The following SCHIP1 variants were observed in gnomAD, a reference collection of about 807,000 sequenced individuals.
The protein encoded by SCHIP1 is schwannomin interacting protein 1.
A neutral mutation model predicts 29.7 loss-of-function variants in SCHIP1; 8 were observed. The observed-to-expected ratio is 0.27, with a 90% CI of 0.16 to 0.49. SCHIP1 has a LOEUF of 0.49. Ranked by LOEUF, SCHIP1 falls within the 20% of genes least tolerant of loss-of-function variation. The pLI, the probability that SCHIP1 is intolerant of heterozygous loss-of-function variation, is 0.99. For synonymous variants in SCHIP1, 76 were observed against 94.9 expected (o/e 0.80, Z 1.16); for missense variants, 193 against 294.6 (o/e 0.66, Z 2.52).
At chr3:159,472,821 G>C in the SCHIP1 span, among the ~76,000 whole-genome samples, 1 of 152,174 alleles carries the variant, frequency 6.6e-6, no homozygotes, top group South Asian at 2.1e-4. Flanking sequence ...ATGAGTGTAT[G>C]TGGGGTGAGG....
chr3:159,281,170 A>G, the SCHIP1 span, among the ~76,000 whole-genome samples: 2 of 152,158 alleles, frequency 1.3e-5, no homozygotes, highest in Non-Finnish European at 2.9e-5. Flanking sequence ...CAACTAAACC[A>G]AAGACTGGGC....
the SCHIP1 span, among the ~76,000 whole-genome samples, chr3:159,596,953 A>T: frequency 6.6e-6 from 1 of 151,698 alleles, no homozygotes; most frequent in Non-Finnish European, 1.5e-5. Flanking sequence ...ATAATAATAA[A>T]AATAAATAAA....
chr3:159,345,218 C>A, the SCHIP1 span, among the ~76,000 whole-genome samples: 1 of 112,496 alleles, frequency 8.9e-6, no homozygotes. Flanking sequence ...CAGAGCAAGA[C>A]TCTGTCTCAA....
the SCHIP1 span, among the ~76,000 whole-genome samples, chr3:159,691,411 C>A: frequency 6.9e-6 from 1 of 144,734 alleles, no homozygotes; most frequent in Admixed American, 6.9e-5. Flanking sequence ...GGATTGCAAC[C>A]CCTGCTTTTT....
chr3:159,862,334 A>T (rs953410008), intron 1 of SCHIP1, among the ~76,000 whole-genome samples: 3 of 152,214 alleles, frequency 2.0e-5, no homozygotes, highest in African/African-American at 7.2e-5. Context: ...CTTGGATCCT[A>T]CTGCTCCTGC....
chr3:159,442,289 T>G, the SCHIP1 span, among the ~76,000 whole-genome samples: 2 of 152,126 alleles, frequency 1.3e-5, no homozygotes, highest in Non-Finnish European at 2.9e-5. Flanking sequence ...AGGAATTGCT[T>G]GGAGAACAGC....
At chr3:159,504,774 C>A in the SCHIP1 span, among the ~76,000 whole-genome samples, 2 of 152,042 alleles carry the variant, frequency 1.3e-5, no homozygotes, top group African/African-American at 4.8e-5. Flanking sequence ...ACAAGGAACC[C>A]ATTAGTGCTG....
chr3:159,763,859 G>A, the SCHIP1 span: 1 of 152,090 alleles, frequency 6.6e-6, no homozygotes, highest in Non-Finnish European at 1.5e-5. Context: ...AGGCGGGAGT[G>A]AGACCTCCGA....
At chr3:159,414,710 C>T in the SCHIP1 span, among the ~76,000 whole-genome samples, 3 of 152,188 alleles carry the variant, frequency 2.0e-5, no homozygotes, top group South Asian at 2.1e-4. Flanking sequence ...CACCAGGGAC[C>T]GGTTTTATGG....
the SCHIP1 span, among the ~76,000 whole-genome samples, chr3:159,651,939 A>G: frequency 6.6e-6 from 1 of 152,130 alleles, no homozygotes; most frequent in Non-Finnish European, 1.5e-5. Flanking sequence ...TATTAAAAAT[A>G]CCAAAAATTA....
At chr3:159,355,753 T>C in the SCHIP1 span, among the ~76,000 whole-genome samples, 1 of 152,094 alleles carries the variant, frequency 6.6e-6, no homozygotes, top group Non-Finnish European at 1.5e-5. Context: ...GTTACTATTT[T>C]GTTCCTGGCG....
the SCHIP1 span, among the ~76,000 whole-genome samples, chr3:159,290,112 A>C: frequency 6.6e-6 from 1 of 152,208 alleles, no homozygotes; most frequent in African/African-American, 2.4e-5. Context: ...AGTAATTTAG[A>C]ATAGGCTTTC....
the SCHIP1 span, among the ~76,000 whole-genome samples, chr3:159,638,561 C>T: frequency 6.6e-6 from 1 of 151,426 alleles, no homozygotes; most frequent in South Asian, 2.1e-4. Context: ...TGGTAGACAC[C>T]CAAAGCATTA....
the SCHIP1 span, among the ~76,000 whole-genome samples, chr3:159,541,978 T>C: frequency 1.1e-4 from 17 of 152,228 alleles, no homozygotes; most frequent in African/African-American, 3.8e-4. Context: ...CAGATCTCTA[T>C]GATGCTCTAG....
chr3:159,572,554 G>C, the SCHIP1 span, among the ~76,000 whole-genome samples: 3 of 152,180 alleles, frequency 2.0e-5, no homozygotes, highest in Non-Finnish European at 4.4e-5. Flanking sequence ...GTCAATTTTA[G>C]AATAAGTGTG....
At chr3:159,680,591 T>C in the SCHIP1 span, among the ~76,000 whole-genome samples, 1 of 104,870 alleles carries the variant, frequency 9.5e-6, no homozygotes, top group Non-Finnish European at 1.7e-5. Context: ...ATATATAATA[T>C]ATGTATAATA....
At chr3:159,338,611 T>C in the SCHIP1 span, among the ~76,000 whole-genome samples, 1 of 152,094 alleles carries the variant, frequency 6.6e-6, no homozygotes. Context: ...GTGCATAGAC[T>C]TGGGGCCAAG....
the SCHIP1 span, among the ~76,000 whole-genome samples, chr3:159,514,211 G>A: frequency 4.6e-5 from 7 of 152,028 alleles, no homozygotes; most frequent in South Asian, 4.1e-4. Flanking sequence ...ATGAATGTGC[G>A]TCGGAAAGGC....
At chr3:159,446,955 T>C in the SCHIP1 span, among the ~76,000 whole-genome samples, 2 of 152,182 alleles carry the variant, frequency 1.3e-5, no homozygotes, top group African/African-American at 4.8e-5. Flanking sequence ...CCACTTGCAA[T>C]ACAACTTATA....
Sources: allele counts gnomAD v4.1 joint callset (sites outside exome capture counted in the v4.1 genomes callset), GRCh38; gene constraint gnomAD v4.1.1; transcripts MANE v1.5; gene names NCBI Gene and HGNC (gene_info 2026-07-23, HGNC 2026-07-21).